TTC3: variants seen among roughly 807,000 people sequenced by gnomAD.
The protein encoded by TTC3 is E3 ubiquitin-protein ligase TTC3.
A neutral mutation model predicts 249.6 loss-of-function variants in TTC3; 180 were observed. That is an observed-to-expected ratio of 0.72 (90% CI 0.64 to 0.82). The LOEUF is 0.82. Ranked by LOEUF, TTC3 falls within the 40% of genes least tolerant of loss-of-function variation. TTC3 has a pLI of 0.00. For missense variants in TTC3, 2,061 were observed against 2,398.4 expected (o/e 0.86, Z 2.94); for synonymous variants, 717 against 805.0 (o/e 0.89, Z 1.85).
At chr21:37,163,658 AC>A (rs2080984262) in intron 31 of TTC3, among the ~76,000 whole-genome samples, 1 of 152,164 alleles carries the variant, frequency 6.6e-6, no homozygotes, top group African/African-American at 2.4e-5. Context: ...CTTAAAAAAA[AC>A]CTTTTATTAA....
chr21:37,112,402 A>G (rs2075753584), intron 11 of TTC3, among the ~76,000 whole-genome samples: 1 of 152,236 alleles, frequency 6.6e-6, no homozygotes, highest in Non-Finnish European at 1.5e-5. Flanking sequence ...ATCAGAGAAT[A>G]CTGTAAACAC....
exon 45 of TTC3, chr21:37,200,293 T>C: frequency 6.2e-7 from 1 of 1,614,248 alleles, no homozygotes; most frequent in Non-Finnish European, 8.5e-7. Flanking sequence ...AACGTGCGTG[T>C]GCTCAAATGT....
chr21:37,138,633 G>A lies in TTC3; in HGVS notation c.1579-1G>A. On this transcript the variant is annotated splice_acceptor_variant, in intron 18 of 45. Coordinates refer to ENST00000355666, the Ensembl canonical transcript of TTC3. LOFTEE classifies it high-confidence loss of function. ...TTTAACTGAGGCATTTTTATTGACA[G>A]CAATTGAACCTGGCCATGATTAACT... 6.2e-7 allele frequency: 1 copy of A among 1,609,348 alleles called. No homozygotes were observed. The highest frequency in any genetic ancestry group is 1.1e-5 in the South Asian group (1 of 90,256).
At chr21:37,096,169 A>G (rs1601375960) in intron 9 of TTC3, among the ~76,000 whole-genome samples, 2 of 152,242 alleles carry the variant, frequency 1.3e-5, no homozygotes. Context: ...AAAAGTTCAA[A>G]TGAAGCTATT....
intron 38 of TTC3, chr21:37,188,212 C>G (rs2083524994): frequency 3.7e-6 from 1 of 269,788 alleles, no homozygotes; most frequent in African/African-American, 2.2e-5. Flanking sequence ...TGCAGTTAAC[C>G]TGGCTCTGTG....
intron 1 of TTC3, among the ~76,000 whole-genome samples, chr21:37,079,515 TG>T (rs1451206293): frequency 4.0e-5 from 5 of 124,924 alleles, no homozygotes; most frequent in East Asian, 2.3e-4. Flanking sequence ...GTTTATGGTA[TG>T]GTTTTTTTTT....
At chr21:37,200,065 A>G (rs1219621178) in intron 44 of TTC3, among the ~76,000 whole-genome samples, 167 bp from the exon 45 acceptor site, 1 of 152,190 alleles carries the variant, frequency 6.6e-6, no homozygotes, top group East Asian at 1.9e-4. Context: ...TTTTCTTAAG[A>G]AATGCTATTA....
intron 7 of TTC3, among the ~76,000 whole-genome samples, chr21:37,092,317 A>G (rs143278181): frequency 6.6e-6 from 1 of 152,232 alleles, no homozygotes; most frequent in African/African-American, 2.4e-5. Flanking sequence ...AAATGAAGAC[A>G]CATCTTTCTC....
chr21:37,179,007 C>T (rs2082510002), intron 35 of TTC3, among the ~76,000 whole-genome samples: 1 of 151,790 alleles, frequency 6.6e-6, no homozygotes, highest in South Asian at 2.1e-4. Flanking sequence ...CATGATGGCT[C>T]ACACCTATAA....
At chr21:37,196,013 A>C (rs764422750) in exon 42 of TTC3, 11 of 1,614,140 alleles carry the variant, frequency 6.8e-6, no homozygotes, top group Non-Finnish European at 9.3e-6. Flanking sequence ...AGCACCTGTC[A>C]GTGGTATTCC....
At chr21:37,121,564 A>G (rs182109777) in intron 11 of TTC3, among the ~76,000 whole-genome samples, 3 of 152,358 alleles carry the variant, frequency 2.0e-5, no homozygotes, top group African/African-American at 7.2e-5. Context: ...TGCTGGGGGT[A>G]CAGAAATTTC....
At chr21:37,121,729 A>G (rs1387398111) in intron 11 of TTC3, 88 bp from the exon 12 acceptor site, 1 of 1,246,420 alleles carries the variant, frequency 8.0e-7, no homozygotes, top group Non-Finnish European at 1.1e-6. Context: ...GTAATGAATC[A>G]GTTTTCAAGC....
intron 38 of TTC3, 194 bp from the exon 39 acceptor site, chr21:37,188,301 A>T: frequency 2.0e-6 from 1 of 501,912 alleles, no homozygotes; most frequent in Non-Finnish European, 3.6e-6. Context: ...TGCATTTGTG[A>T]TGTCATTTTG....
rs552306618 is a variant in TTC3, at chr21:37,122,319, G to A, written c.1063+340G>A. ...ATTATTTAAAAATATTTCCTTCATT[G>A]CTAAAGTTATTTCCTAAAGAAAAGA... is the stretch of plus-strand genomic sequence containing the variant. On this transcript the variant is annotated intron_variant, in intron 12 of 45. Transcript: ENST00000355666. 1.5e-3 allele frequency among the ~76,000 whole-genome samples: 219 copies of A among 150,220 alleles called. 2 individuals are homozygous for A. Among genetic ancestry groups the A allele is most frequent in the African/African-American group, 4.9e-3 (200 of 40,902 alleles).
At position 37,152,956 on chromosome 21, in the gene TTC3, GTAGA is replaced by G; in HGVS notation, c.2420_2423del (p.Val807AlafsTer17). On this transcript the variant is annotated frameshift_variant, in exon 27 of 46. Transcript: ENST00000355666. LOFTEE classifies it high-confidence loss of function. ...CCATTGTTATTTATCCTTAGAAACT[GTAGA>G]CAATGTTCAGCGTTGTCAGTTCCTT... 6.3e-7 allele frequency: 1 copy of G among 1,585,782 alleles called. No homozygotes were observed. The highest frequency in any genetic ancestry group is 8.6e-7 in the Non-Finnish European group (1 of 1,165,192).
rs751588536 is a variant in TTC3 at position 37,159,102 on chromosome 21, CT to C, written c.2993-596del. Among the ~76,000 whole-genome samples the C allele has an allele frequency of 1.3e-3, 192 of 152,294 alleles. 2 individuals carry two copies. Among genetic ancestry groups the C allele is most frequent in the Non-Finnish European group, 2.2e-3 (151 of 68,014 alleles). ...TGGGGTCTGGGTTCATCATCATCCT[CT>C]ATCTCTGAGCACACACCCCACTACT... On this transcript the variant is annotated intron_variant, in intron 28 of 45. Coordinates refer to ENST00000355666, the Ensembl canonical transcript of TTC3.
At chr21:37,118,197 A>G (rs918804152) in intron 11 of TTC3, among the ~76,000 whole-genome samples, 2 of 152,100 alleles carry the variant, frequency 1.3e-5, no homozygotes, top group Non-Finnish European at 2.9e-5. Context: ...TACAGGGTAT[A>G]TTTACTTTTA....
At chr21:37,142,298 A>G (rs1031982942) in intron 20 of TTC3, among the ~76,000 whole-genome samples, 1 of 152,246 alleles carries the variant, frequency 6.6e-6, no homozygotes, top group Non-Finnish European at 1.5e-5. Flanking sequence ...TTAGGAAAAG[A>G]GGAAGTCAAA....
chr21:37,113,150 C>T (rs1320663841), intron 11 of TTC3, among the ~76,000 whole-genome samples: 1 of 152,236 alleles, frequency 6.6e-6, no homozygotes, highest in Non-Finnish European at 1.5e-5. Flanking sequence ...GATGCCCTCT[C>T]TCACCACTCC....
Sources: allele counts gnomAD v4.1 joint callset (sites outside exome capture counted in the v4.1 genomes callset), GRCh38; gene constraint gnomAD v4.1.1; transcripts MANE v1.5; gene names NCBI Gene and HGNC (gene_info 2026-07-23, HGNC 2026-07-21).